AUTS2: variants seen among roughly 807,000 people sequenced by gnomAD.
AUTS2 encodes the protein activator of transcription and developmental regulator AUTS2, also known as autism susceptibility gene 2 protein.
Under a neutral mutation model 112.4 loss-of-function variants are expected in AUTS2, and 17 were observed. That is an observed-to-expected ratio of 0.15 (90% CI 0.10 to 0.23). The LOEUF (loss-of-function observed/expected upper bound fraction) is 0.23, where lower values mean the gene tolerates loss of function less well. Ranked by LOEUF, AUTS2 falls within the 10% of genes least tolerant of loss-of-function variation. The pLI is 1.00. For missense variants in AUTS2, 1,510 were observed against 1,701.6 expected, an observed-to-expected ratio of 0.89 and a Z score of 1.98; for synonymous variants, 751 against 702.7, an observed-to-expected ratio of 1.07 and a Z score of -1.09.
chr7:70,493,174 C>T (rs1398437554), intron 5 of AUTS2, among the ~76,000 whole-genome samples: 2 of 152,128 alleles, frequency 1.3e-5, no homozygotes, highest in African/African-American at 2.4e-5. Context: ...AGGTATATTT[C>T]CACTTCCAAA....
intron 2 of AUTS2, among the ~76,000 whole-genome samples, chr7:69,947,752 C>T (rs1796873267): frequency 6.6e-6 from 1 of 152,166 alleles, no homozygotes; most frequent in South Asian, 2.1e-4. Flanking sequence ...AAAGACAAAA[C>T]ATTAATAATA....
intron 6 of AUTS2, among the ~76,000 whole-genome samples, chr7:70,746,308 G>A (rs1788450862): frequency 6.6e-6 from 1 of 152,052 alleles, no homozygotes; most frequent in South Asian, 2.1e-4. Flanking sequence ...ACCAGGCTGG[G>A]CTGATTTTTG....
intron 5 of AUTS2, among the ~76,000 whole-genome samples, chr7:70,446,050 T>C (rs1796305621): frequency 6.6e-6 from 1 of 152,076 alleles, no homozygotes; most frequent in Admixed American, 6.5e-5. Flanking sequence ...GGGCCATGGT[T>C]CCATGGTGGC....
chr7:69,688,767 T>C (rs934538420), intron 1 of AUTS2, among the ~76,000 whole-genome samples: 38 of 152,298 alleles, frequency 2.5e-4, no homozygotes, highest in African/African-American at 8.7e-4. Context: ...TTAACAGAGC[T>C]CTCCCTATCT....
In AUTS2 at chr7:70,435,303, G is replaced by A. The variant is rs1337316457; in HGVS notation, c.661-449G>A. 5.3e-5 allele frequency among the ~76,000 whole-genome samples: 8 copies of A among 152,182 alleles called. No individual in the cohort carries two copies. The East Asian group carries it at 5.8e-4, about 11-fold the overall frequency. On this transcript the variant is annotated intron_variant, in intron 4 of 18. Transcript: ENST00000342771. ...ACCTCTTTTCCTGTAGAAAAGCACC[G>A]GTAGAGATACAGCCATTCACATTAG...
intron 4 of AUTS2, among the ~76,000 whole-genome samples, chr7:70,420,644 T>C (rs1303875191): frequency 6.6e-6 from 1 of 152,182 alleles, no homozygotes; most frequent in African/African-American, 2.4e-5. Context: ...TCCTTTTTAA[T>C]TGGTTGTCAA....
intron 2 of AUTS2, among the ~76,000 whole-genome samples, chr7:69,900,121 A>G (rs1794912164): frequency 6.6e-6 from 1 of 152,240 alleles, no homozygotes; most frequent in East Asian, 1.9e-4. Context: ...ATGATCCACA[A>G]GAAAGTATGG....
At chr7:70,234,320 T>C (rs900543282) in intron 4 of AUTS2, among the ~76,000 whole-genome samples, 1 of 152,206 alleles carries the variant, frequency 6.6e-6, no homozygotes, top group Non-Finnish European at 1.5e-5. Flanking sequence ...GAACTGGCGT[T>C]CATTGATTGT....
intron 1 of AUTS2, among the ~76,000 whole-genome samples, chr7:69,759,231 A>G (rs1788064875): frequency 6.6e-6 from 1 of 151,508 alleles, no homozygotes; most frequent in South Asian, 2.1e-4. Context: ...ATTGCTTGGG[A>G]CCAGAAGTGG....
chr7:70,537,775 A>G lies in AUTS2; in HGVS notation c.690+101994A>G, dbSNP rs556660139. ...CCCTGAAGGTGAAATGAAGGAGGAA[A>G]TGAAGGCAGGTGGGAAATTAAAGAA... On this transcript the variant is annotated intron_variant, in intron 5 of 18. Coordinates refer to ENST00000342771, the MANE Select transcript of AUTS2 (RefSeq NM_015570.4). Among the ~76,000 whole-genome samples, 9 of 152,346 alleles carry G rather than the reference A, an allele frequency of 5.9e-5. No individual in the cohort carries two copies. In the South Asian group the frequency reaches 1.7e-3, roughly 28 times the overall value.
intron 4 of AUTS2, among the ~76,000 whole-genome samples, chr7:70,278,314 C>A (rs1788036994): frequency 6.6e-6 from 1 of 152,120 alleles, no homozygotes; most frequent in East Asian, 1.9e-4. Flanking sequence ...CACAGTGGCT[C>A]ACGCCTATAA....
chr7:70,783,310 C>T (rs10264980), intron 15 of AUTS2: 24,287 of 152,138 alleles, frequency 0.16, 2,200 homozygotes, highest in East Asian at 0.38. Context: ...AGCCAGTATG[C>T]AGGGCTGAAT....
chr7:69,714,893 A>C (rs933697692), intron 1 of AUTS2, among the ~76,000 whole-genome samples: 1 of 152,014 alleles, frequency 6.6e-6, no homozygotes, highest in African/African-American at 2.4e-5. Context: ...TGTAGTCAGT[A>C]TTCAGCATAC....
chr7:70,660,478 T>C (rs1807013049), intron 5 of AUTS2, among the ~76,000 whole-genome samples: 1 of 152,242 alleles, frequency 6.6e-6, no homozygotes, highest in South Asian at 2.1e-4. Context: ...ATGTTTCATT[T>C]ACCCAGGTAC....
At chr7:70,527,410 G>T (rs1414157133) in intron 5 of AUTS2, among the ~76,000 whole-genome samples, 2 of 152,050 alleles carry the variant, frequency 1.3e-5, no homozygotes, top group East Asian at 3.9e-4. Flanking sequence ...TAGTCACTTG[G>T]CTGTAATAAC....
intron 5 of AUTS2, among the ~76,000 whole-genome samples, chr7:70,479,559 T>C (rs935325992): frequency 1.3e-5 from 2 of 152,128 alleles, no homozygotes; most frequent in African/African-American, 4.8e-5. Flanking sequence ...ATTGAACAGC[T>C]CTTCTTCCAC....
intron 5 of AUTS2, among the ~76,000 whole-genome samples, chr7:70,588,466 A>G (rs1368738615): frequency 6.6e-6 from 1 of 152,238 alleles, no homozygotes; most frequent in Non-Finnish European, 1.5e-5. Flanking sequence ...TTCCAGCATC[A>G]GAGTCCAGTT....
At chr7:70,018,383 T>C (rs1304071673) in intron 2 of AUTS2, among the ~76,000 whole-genome samples, 1 of 152,210 alleles carries the variant, frequency 6.6e-6, no homozygotes, top group Non-Finnish European at 1.5e-5. Flanking sequence ...AATCACACTT[T>C]ATCAGGACTG....
At chr7:70,406,706 C>G (rs1794551973) in intron 4 of AUTS2, among the ~76,000 whole-genome samples, 1 of 152,134 alleles carries the variant, frequency 6.6e-6, no homozygotes. Context: ...CAGCAGGGAC[C>G]CAAGGCATTT....
Sources: allele counts gnomAD v4.1 joint callset (sites outside exome capture counted in the v4.1 genomes callset), GRCh38; gene constraint gnomAD v4.1.1; transcripts MANE v1.5; gene names NCBI Gene and HGNC (gene_info 2026-07-23, HGNC 2026-07-21).